NRXN1: variants seen among roughly 807,000 people sequenced by gnomAD.
NRXN1 encodes neurexin-1.
Under a neutral mutation model 150.9 loss-of-function variants are expected in NRXN1, and 39 were observed. That is an observed-to-expected ratio of 0.26 (90% CI 0.20 to 0.34). The LOEUF (loss-of-function observed/expected upper bound fraction) is 0.34, where lower values mean the gene tolerates loss of function less well. Among genes scored for constraint, NRXN1 ranks in the 10% least tolerant of loss-of-function variants. The pLI is 1.00. For missense variants in NRXN1, 1,815 were observed against 1,949.9 expected (o/e 0.93, Z 1.30); for synonymous variants, 924 against 757.0 (o/e 1.22, Z -3.62).
chr2:50,746,727 C>T (rs549372735), intron 5 of NRXN1, among the ~76,000 whole-genome samples: 3 of 152,068 alleles, frequency 2.0e-5, no homozygotes, highest in African/African-American at 7.2e-5. Flanking sequence ...GTGAGTCATC[C>T]CCCTTGTCAG....
intron 2 of NRXN1, among the ~76,000 whole-genome samples, chr2:50,934,379 C>A (rs1033911425): frequency 4.6e-5 from 7 of 152,236 alleles, no homozygotes; most frequent in African/African-American, 1.7e-4. Context: ...TTATAAACTT[C>A]TCTTTTCCTC....
chr2:50,472,535 G>T, intron 15 of NRXN1, 64 bp from the exon 16 acceptor site: 1 of 1,308,948 alleles, frequency 7.6e-7, no homozygotes, highest in Non-Finnish European at 1.1e-6. Context: ...CACACAGTAG[G>T]ATGGAGAAAA....
At chr2:50,154,919 G>T (rs553069536) in intron 18 of NRXN1, among the ~76,000 whole-genome samples, 7 of 151,540 alleles carry the variant, frequency 4.6e-5, no homozygotes, top group African/African-American at 1.7e-4. Context: ...AAATTATTAA[G>T]ATCACTGTTG....
At chr2:50,913,702 C>T (rs191695646) in intron 5 of NRXN1, among the ~76,000 whole-genome samples, 1 of 151,860 alleles carries the variant, frequency 6.6e-6, no homozygotes, top group East Asian at 1.9e-4. Flanking sequence ...GAGAGTACTT[C>T]AGCTGCTCCT....
chr2:50,493,712 C>G (rs150367814), intron 15 of NRXN1, among the ~76,000 whole-genome samples: 318 of 152,270 alleles, frequency 2.1e-3, no homozygotes, highest in African/African-American at 7.3e-3. Context: ...ATCACATACC[C>G]AATTTGTTAG....
chr2:50,016,043 C>T (rs6730770), intron 21 of NRXN1, among the ~76,000 whole-genome samples: 70,357 of 151,896 alleles, frequency 0.46, 16,694 homozygotes, highest in Middle Eastern at 0.62. Flanking sequence ...CTTTGCCTCT[C>T]TAGGGCTTTG....
At chr2:50,567,241 G>T (rs1573578231) in intron 8 of NRXN1, among the ~76,000 whole-genome samples, 1 of 152,158 alleles carries the variant, frequency 6.6e-6, no homozygotes, top group African/African-American at 2.4e-5. Flanking sequence ...TAAAGAATGA[G>T]GTTTAACACT....
At chr2:50,654,360 C>T (rs990823680) in intron 5 of NRXN1, among the ~76,000 whole-genome samples, 2 of 151,830 alleles carry the variant, frequency 1.3e-5, no homozygotes, top group African/African-American at 4.8e-5. Flanking sequence ...GACATGAAAT[C>T]ATCATTTTTT....
intron 5 of NRXN1, among the ~76,000 whole-genome samples, chr2:50,764,610 C>T (rs1702181617): frequency 6.6e-6 from 1 of 151,944 alleles, no homozygotes; most frequent in African/African-American, 2.4e-5. Flanking sequence ...GATGAGGAAA[C>T]AGAGCAGTTA....
At chr2:50,259,013 A>G (rs2152908103) in intron 17 of NRXN1, among the ~76,000 whole-genome samples, 1 of 152,132 alleles carries the variant, frequency 6.6e-6, no homozygotes, top group East Asian at 1.9e-4. Flanking sequence ...CAGGCAAAGC[A>G]CATTTAGCAT....
At chr2:50,353,115 G>A (rs558455289) in intron 17 of NRXN1, among the ~76,000 whole-genome samples, 19 of 152,058 alleles carry the variant, frequency 1.2e-4, no homozygotes, top group Non-Finnish European at 2.8e-4. Context: ...ACTTGGAAAC[G>A]TGACTAGATT....
intron 17 of NRXN1, among the ~76,000 whole-genome samples, chr2:50,317,721 C>T (rs1407645521): frequency 6.6e-6 from 1 of 151,792 alleles, no homozygotes; most frequent in Non-Finnish European, 1.5e-5. Flanking sequence ...CTAAAGAAAG[C>T]CTTACTTTGT....
At chr2:50,209,710 C>G (rs1415355267) in intron 18 of NRXN1, among the ~76,000 whole-genome samples, 1 of 151,956 alleles carries the variant, frequency 6.6e-6, no homozygotes, top group Non-Finnish European at 1.5e-5. Flanking sequence ...TCAATAAAAA[C>G]ATGGAAAACA....
At chr2:49,975,997 A>ATGAT (rs1488167596) in intron 21 of NRXN1, among the ~76,000 whole-genome samples, 1 of 151,052 alleles carries the variant, frequency 6.6e-6, no homozygotes, top group Non-Finnish European at 1.5e-5. Context: ...ACACACACAA[A>ATGAT]TGATTGCATA....
chr2:50,916,671 G>C (rs1232112551), intron 5 of NRXN1, among the ~76,000 whole-genome samples: 1 of 151,576 alleles, frequency 6.6e-6, no homozygotes, highest in East Asian at 1.9e-4. Context: ...AGTACAGAGA[G>C]TCCTTTCTGT....
intron 17 of NRXN1, among the ~76,000 whole-genome samples, chr2:50,361,440 G>T (rs1347784399): frequency 2.0e-5 from 3 of 152,110 alleles, no homozygotes; most frequent in Non-Finnish European, 4.4e-5. Flanking sequence ...TATCACCACT[G>T]ATCCCACAGA....
chr2:50,549,443 C>T (rs967807272), intron 9 of NRXN1, among the ~76,000 whole-genome samples: 22 of 151,970 alleles, frequency 1.4e-4, no homozygotes, highest in African/African-American at 4.8e-4. Flanking sequence ...TTGTTTGTAC[C>T]AATTCACTAA....
intron 5 of NRXN1, among the ~76,000 whole-genome samples, chr2:50,716,184 T>C (rs1256938270): frequency 6.6e-6 from 1 of 152,186 alleles, no homozygotes; most frequent in Non-Finnish European, 1.5e-5. Flanking sequence ...CATTCCAAAA[T>C]GATTTTCCAG....
intron 5 of NRXN1, among the ~76,000 whole-genome samples, chr2:50,746,289 G>A (rs1373422372): frequency 6.6e-6 from 1 of 152,022 alleles, no homozygotes; most frequent in East Asian, 1.9e-4. Context: ...TGGGCACAGG[G>A]GCTCATGCCT....
Sources: allele counts gnomAD v4.1 joint callset (sites outside exome capture counted in the v4.1 genomes callset), GRCh38; gene constraint gnomAD v4.1.1; transcripts MANE v1.5; gene names NCBI Gene and HGNC (gene_info 2026-07-23, HGNC 2026-07-21).